Variants in NFASC observed in about 807,000 individuals in gnomAD.
NFASC encodes neurofascin, also known as neurofascin homolog.
In NFASC, 43 loss-of-function variants were observed where a neutral mutation model predicts 147.5. That is an observed-to-expected ratio of 0.29 (90% CI 0.23 to 0.38). The LOEUF (loss-of-function observed/expected upper bound fraction) is 0.38. Ranked by LOEUF, NFASC falls within the 10% of genes least tolerant of loss-of-function variation. NFASC has a pLI of 1.00. For missense variants in NFASC, 1,320 were observed against 1,689.0 expected (o/e 0.78, Z 3.83); for synonymous variants, 622 against 665.5 (o/e 0.93, Z 1.01).
intron 17 of NFASC, 56 bp from the exon 18 acceptor site, chr1:204,978,912 C>A: frequency 7.2e-7 from 1 of 1,387,422 alleles, no homozygotes; most frequent in Non-Finnish European, 9.9e-7. Flanking sequence ...CTAGGGCCAT[C>A]ACAAGGGTGG....
Position 204,997,384 on chromosome 1 carries a change from C to T in NFASC, c.2997C>T (p.Ser999=), listed in dbSNP as rs114445942. 45 of 1,552,714 alleles carry T rather than the reference C, an allele frequency of 2.9e-5. No individual in the cohort carries two copies. Among genetic ancestry groups the T allele is most frequent in the South Asian group, 1.9e-4 (16 of 84,274 alleles). ...CGGAGAGTCCTCCCACCACCACCTC[C>T]GGGACTAAGATACACGAATCCGGTA... ...TTTESPPTTT[S]GTKIHESAPD... The change falls in exon 25 of 30, where the codon TCC becomes TCT. Residue 999 remains serine, a synonymous_variant. Transcript: ENST00000339876.
At chr1:204,887,054 C>T (rs1030649956) in intron 1 of NFASC, among the ~76,000 whole-genome samples, 1 of 152,124 alleles carries the variant, frequency 6.6e-6, no homozygotes, top group Non-Finnish European at 1.5e-5. Context: ...ATATTAAGTA[C>T]ATGTATGTTG....
chr1:204,919,661 C>T (rs2149425435), intron 1 of NFASC, among the ~76,000 whole-genome samples: 1 of 152,164 alleles, frequency 6.6e-6, no homozygotes, highest in Admixed American at 6.5e-5. Flanking sequence ...TGGAGTCTTG[C>T]TCTGTTGCCC....
At chr1:204,897,893 G>A (rs996231188) in intron 1 of NFASC, among the ~76,000 whole-genome samples, 9 of 152,002 alleles carry the variant, frequency 5.9e-5, no homozygotes, top group Non-Finnish European at 7.4e-5. Context: ...GTGCCACCAC[G>A]CCCAGCTAAT....
intron 8 of NFASC, among the ~76,000 whole-genome samples, chr1:204,962,889 C>T (rs745678655): frequency 8.5e-5 from 13 of 152,186 alleles, no homozygotes; most frequent in Non-Finnish European, 1.5e-4. Flanking sequence ...GCTGGTTGCT[C>T]AGTCTGATTA....
chr1:204,846,948 T>C (rs1393780248), intron 1 of NFASC, among the ~76,000 whole-genome samples: 1 of 148,348 alleles, frequency 6.7e-6, no homozygotes, highest in African/African-American at 2.6e-5. Flanking sequence ...TGTGTGTGTG[T>C]ACGCGTGTGT....
Position 204,977,807 on chromosome 1 carries a change from T to C in NFASC, c.1876+82T>C, listed in dbSNP as rs972689177. On this transcript the variant is annotated intron_variant, in intron 17 of 29. Coordinates refer to ENST00000339876, the MANE Select transcript of NFASC (RefSeq NM_001005388.3). ...GGAGTCTGGGAGAAGGAAGCCACTTTGGGAAAGGGCGACAGTGTGTAGGTT... is the reference window on the plus strand; with the variant it reads ...GGAGTCTGGGAGAAGGAAGCCACTTCGGGAAAGGGCGACAGTGTGTAGGTT... The C allele has an allele frequency of 3.0e-6, 4 of 1,337,686 alleles. No individual in the cohort carries two copies. In the African/African-American group the frequency reaches 5.7e-5, roughly 19 times the overall value. 82.9% of individuals were successfully genotyped at this position (1,337,686 alleles called of 1,614,324 possible).
At chr1:205,005,542 A>C (rs752995741) in intron 27 of NFASC, among the ~76,000 whole-genome samples, 2 of 152,226 alleles carry the variant, frequency 1.3e-5, no homozygotes, top group African/African-American at 4.8e-5. Flanking sequence ...TTGCACACAG[A>C]TATTACTGGA....
intron 13 of NFASC, 154 bp downstream of exon 13, chr1:204,974,444 ATTGTACAGAATGGGAAACCAAGACC>A (rs2095348681): frequency 1.2e-6 from 1 of 800,482 alleles, no homozygotes; most frequent in Non-Finnish European, 2.1e-6. Context: ...CAACCTCCTC[ATTGTACAGAATGGGAAACCAAGACC>A]TTGAGAGGGA....
chr1:204,911,472 C>T (rs2087485581), intron 1 of NFASC, among the ~76,000 whole-genome samples: 2 of 152,308 alleles, frequency 1.3e-5, no homozygotes, highest in South Asian at 4.1e-4. Flanking sequence ...CGTGCCTCAG[C>T]CCCCTAAGTA....
chr1:204,997,413 C>T lies in NFASC; in HGVS notation c.3019+7C>T, dbSNP rs975145413. On this transcript the variant is annotated splice_region_variant and intron_variant, in intron 25 of 29. Coordinates refer to ENST00000339876, the MANE Select transcript of NFASC (RefSeq NM_001005388.3). ...ACTAAGATACACGAATCCGGTACTG[C>T]GCATCGCCCATGCTCCCCATCCCCT... 2.5e-5 allele frequency: 39 copies of T among 1,551,754 alleles called. No individual in the cohort carries two copies. The highest frequency in any genetic ancestry group is 5.9e-5 in the Admixed American group (3 of 50,972).
intron 1 of NFASC, among the ~76,000 whole-genome samples, chr1:204,899,012 T>C (rs887606130): frequency 2.0e-5 from 3 of 151,826 alleles, no homozygotes; most frequent in Non-Finnish European, 2.9e-5. Context: ...CAGCTCCAAG[T>C]GTGATGGGGG....
At chr1:204,919,578 T>G (rs2090044753) in intron 1 of NFASC, among the ~76,000 whole-genome samples, 1 of 152,184 alleles carries the variant, frequency 6.6e-6, no homozygotes, top group Non-Finnish European at 1.5e-5. Flanking sequence ...CTTATTTAGA[T>G]AGCTATTGCC....
intron 1 of NFASC, among the ~76,000 whole-genome samples, chr1:204,845,018 G>A (rs1210336257): frequency 6.6e-6 from 1 of 152,134 alleles, no homozygotes; most frequent in Admixed American, 6.5e-5. Flanking sequence ...CTGTTTTACT[G>A]GGGCCCATTG....
chr1:204,870,669 G>A (rs1362910152), intron 1 of NFASC: 3 of 1,078,438 alleles, frequency 2.8e-6, no homozygotes, highest in Non-Finnish European at 2.3e-6. Flanking sequence ...AGACCCAGCG[G>A]TGAGCGAGTG....
intron 1 of NFASC, among the ~76,000 whole-genome samples, chr1:204,842,339 A>G (rs1675579057): frequency 6.6e-6 from 1 of 152,218 alleles, no homozygotes; most frequent in African/African-American, 2.4e-5. Context: ...AGCTTTGCTT[A>G]TGAATTGTTC....
Position 204,975,583 on chromosome 1 carries a change from C to T in NFASC, c.1706+165C>T, listed in dbSNP as rs560389190. On this transcript the variant is annotated intron_variant, in intron 15 of 29. Transcript: ENST00000339876. The surrounding 1 kb of genome is among the most constrained non-coding windows in gnomAD (Gnocchi z 4.0). Reference sequence around the variant, plus strand: ...GATGGCCTGGGCAACTCCCCTGCTTCAGGGGAGACCCCCCCACCGACCCTG... The same window carrying T: ...GATGGCCTGGGCAACTCCCCTGCTTTAGGGGAGACCCCCCCACCGACCCTG... Among the ~76,000 whole-genome samples, 94 of 152,222 alleles carry T rather than the reference C, an allele frequency of 6.2e-4. 3 individuals are homozygous for T. Among genetic ancestry groups the T allele is most frequent in the South Asian group, 3.3e-3 (16 of 4,824 alleles).
rs61741829 is a variant in NFASC at position 204,982,010 on chromosome 1, C to T, written c.2460C>T (p.Ser820=). 43,473 of 1,570,408 alleles carry T rather than the reference C, an allele frequency of 0.028. 778 individuals carry two copies. Among genetic ancestry groups the T allele is most frequent in the Middle Eastern group, 0.075 (440 of 5,874 alleles). Residue 820 remains serine (S), a synonymous_variant, in exon 21 of 30, where the codon TCC becomes TCT. Coordinates refer to ENST00000339876, the MANE Select transcript of NFASC (RefSeq NM_001005388.3). ...GPEPESVIGY[S]GEDLPSAPRR... ...AGCCAGAGTCCGTCATCGGTTACTC[C>T]GGAGAAGATTGTGAGTAGTCTCCTC...
At chr1:204,915,048 G>C (rs574920455) in intron 1 of NFASC, among the ~76,000 whole-genome samples, 2 of 152,338 alleles carry the variant, frequency 1.3e-5, no homozygotes, top group East Asian at 1.9e-4. Flanking sequence ...GGGAGGCCGA[G>C]ACAGGTGGAT....
Sources: gnomAD v4.1 joint callset for allele counts (sites outside exome capture counted in the v4.1 genomes callset) on GRCh38, gnomAD v4.1.1 for gene constraint, Gnocchi (gnomAD v3.1) non-coding constraint, MANE v1.5 for transcripts, NCBI Gene and HGNC (gene_info 2026-07-23, HGNC 2026-07-21) for gene names.